CBLN2: variants seen among roughly 807,000 people sequenced by gnomAD.
CBLN2 encodes the protein cerebellin 2 precursor.
In CBLN2, 7 loss-of-function variants were observed where a neutral mutation model predicts 15.0. That is an observed-to-expected ratio of 0.47 (90% CI 0.27 to 0.88). The LOEUF is 0.88. Ranked by LOEUF, CBLN2 falls within the 40% of genes least tolerant of loss-of-function variation. The pLI is 0.14. For synonymous variants in CBLN2, 149 were observed against 135.2 expected (o/e 1.10, Z -0.71); for missense variants, 242 against 304.5 (o/e 0.79, Z 1.53).
At chr18:72,580,369 A>G (rs1005155430) in intron 1 of CBLN2, among the ~76,000 whole-genome samples, 4 of 152,186 alleles carry the variant, frequency 2.6e-5, no homozygotes, top group Admixed American at 2.0e-4. Flanking sequence ...AAACACATAC[A>G]TAACTACTAC....
upstream of CBLN2, among the ~76,000 whole-genome samples, chr18:72,548,748 C>T (rs575149272): frequency 1.3e-5 from 2 of 152,242 alleles, no homozygotes; most frequent in Admixed American, 6.5e-5. Flanking sequence ...TATTTCTGAC[C>T]TTGTGCACGC....
chr18:72,623,828 C>T (rs1241695537), intron 1 of CBLN2, among the ~76,000 whole-genome samples: 1 of 152,150 alleles, frequency 6.6e-6, no homozygotes, highest in Non-Finnish European at 1.5e-5. Flanking sequence ...TTTGCTTACA[C>T]CAATCTTCTA....
chr18:72,556,185 T>C (rs596240), intron 1 of CBLN2, among the ~76,000 whole-genome samples: 120,623 of 152,158 alleles, frequency 0.79, 53,114 homozygotes, highest in Non-Finnish European at 0.98. Context: ...GGAACACACA[T>C]GTTACTTCAC....
chr18:72,599,870 A>G (rs761960274), intron 1 of CBLN2, among the ~76,000 whole-genome samples: 1 of 152,108 alleles, frequency 6.6e-6, no homozygotes, highest in Non-Finnish European at 1.5e-5. Context: ...GCTGAGAGTT[A>G]CCTCCTCAGT....
intron 1 of CBLN2, among the ~76,000 whole-genome samples, chr18:72,633,649 A>G (rs1239310128): frequency 6.6e-6 from 1 of 152,192 alleles, no homozygotes; most frequent in African/African-American, 2.4e-5. Context: ...GTTATTGTGT[A>G]AAGATAACAA....
intron 1 of CBLN2, among the ~76,000 whole-genome samples, chr18:72,567,290 T>A (rs1422185722): frequency 6.6e-6 from 1 of 151,902 alleles, no homozygotes; most frequent in African/African-American, 2.4e-5. Flanking sequence ...TATTTCTGTT[T>A]CTGGAGATTA....
intron 1 of CBLN2, among the ~76,000 whole-genome samples, chr18:72,586,981 A>T (rs980180365): frequency 2.0e-5 from 3 of 152,100 alleles, no homozygotes; most frequent in Non-Finnish European, 2.9e-5. Flanking sequence ...ATCCAGTTAC[A>T]GTGTATAAAA....
At chr18:72,610,381 C>T (rs1347093964) in intron 1 of CBLN2, among the ~76,000 whole-genome samples, 2 of 152,298 alleles carry the variant, frequency 1.3e-5, no homozygotes, top group East Asian at 3.9e-4. Flanking sequence ...TTCTTATAAA[C>T]TTTCCTGATG....
intron 1 of CBLN2, among the ~76,000 whole-genome samples, chr18:72,580,675 T>C (rs941084160): frequency 5.3e-5 from 8 of 152,260 alleles, no homozygotes; most frequent in Non-Finnish European, 1.2e-4. Flanking sequence ...TATAATTATA[T>C]GTCATGCATT....
intron 1 of CBLN2, among the ~76,000 whole-genome samples, chr18:72,593,690 C>T (rs571153997): frequency 6.6e-6 from 1 of 152,028 alleles, no homozygotes. Flanking sequence ...CCTTCTATAC[C>T]CAGTTCTTTG....
chr18:72,562,770 T>C (rs768946306), intron 1 of CBLN2, among the ~76,000 whole-genome samples: 1 of 152,254 alleles, frequency 6.6e-6, no homozygotes, highest in Admixed American at 6.5e-5. Flanking sequence ...TTTGATGTTA[T>C]GTAAAAATGT....
In CBLN2 at chr18:72,561,111, T is replaced by C. The variant is rs142810581; in HGVS notation, c.16-22339A>G. ...CTTAGATAAAACATATAGATAGCTG[T>C]GATAAAAGCTATATATATATACATA... On this transcript the variant is annotated intron_variant, in intron 1 of 2. Transcript: ENST00000581073. Among the ~76,000 whole-genome samples, 536 of 151,972 alleles carry C rather than the reference T, an allele frequency of 3.5e-3. 7 individuals are homozygous for C. Among genetic ancestry groups the C allele is most frequent in the African/African-American group, 0.013 (521 of 41,458 alleles).
At chr18:72,606,705 G>A (rs780925882) in intron 1 of CBLN2, among the ~76,000 whole-genome samples, 1 of 152,236 alleles carries the variant, frequency 6.6e-6, no homozygotes, top group South Asian at 2.1e-4. Flanking sequence ...ACATCTGGAT[G>A]GGAGAAGATA....
intron 1 of CBLN2, among the ~76,000 whole-genome samples, chr18:72,578,712 C>G (rs759122299): frequency 6.6e-6 from 1 of 152,208 alleles, no homozygotes; most frequent in Non-Finnish European, 1.5e-5. Context: ...GGAAAGAACT[C>G]TCAATCCATT....
rs540024828 is a variant in CBLN2 at position 72,622,242 on chromosome 18, A to G, written c.15+16083T>C. Among the ~76,000 whole-genome samples, 9 of 152,266 alleles carry G rather than the reference A, an allele frequency of 5.9e-5. No homozygotes were observed. The South Asian group carries it at 1.9e-3, about 32-fold the overall frequency. The stretch of plus-strand genomic sequence containing the variant: ...TGTGCATACATTCACATTATATAAT[A>G]TAGTTATTTGCATGTCCTTGTCAAA... On this transcript the variant is annotated intron_variant, in intron 1 of 2. Transcript: ENST00000581073.
chr18:72,586,342 C>A (rs1302056746), intron 1 of CBLN2, among the ~76,000 whole-genome samples: 1 of 152,082 alleles, frequency 6.6e-6, no homozygotes, highest in African/African-American at 2.4e-5. Flanking sequence ...AATATGTATG[C>A]TGCAGGTGGA....
chr18:72,558,159 AGTGTGG>A (rs2069238375), intron 1 of CBLN2, among the ~76,000 whole-genome samples: 3 of 152,192 alleles, frequency 2.0e-5, no homozygotes, highest in Non-Finnish European at 4.4e-5. Flanking sequence ...CATGTGACTT[AGTGTGG>A]CACCTTGGGC....
chr18:72,564,071 A>G (rs2069278581), intron 1 of CBLN2, among the ~76,000 whole-genome samples: 1 of 152,216 alleles, frequency 6.6e-6, no homozygotes, highest in African/African-American at 2.4e-5. Context: ...TATGAAATCC[A>G]TCTTATAAAA....
At chr18:72,558,982 G>A (rs2069243562) in intron 1 of CBLN2, among the ~76,000 whole-genome samples, 1 of 152,200 alleles carries the variant, frequency 6.6e-6, no homozygotes, top group South Asian at 2.1e-4. Flanking sequence ...CTGAGGCCAG[G>A]AAGTCAAGGC....
Sources: gnomAD v4.1 joint callset for allele counts (sites outside exome capture counted in the v4.1 genomes callset) on GRCh38, gnomAD v4.1.1 for gene constraint, MANE v1.5 for transcripts, NCBI Gene and HGNC (gene_info 2026-07-23, HGNC 2026-07-21) for gene names.